FGGY: variants seen among roughly 807,000 people sequenced by gnomAD.
FGGY encodes FGGY carbohydrate kinase domain containing.
A neutral mutation model predicts 71.3 loss-of-function variants in FGGY; 72 were observed. That is an observed-to-expected ratio of 1.01 (90% confidence interval 0.84 to 1.23). The LOEUF is 1.23. Among genes scored for constraint, FGGY ranks in the 50% most tolerant of loss-of-function variants. The pLI, the probability that FGGY is intolerant of heterozygous loss-of-function variation, is 0.00. For synonymous variants in FGGY, 251 were observed against 250.3 expected, an observed-to-expected ratio of 1.00 and a Z score of -0.02; for missense variants, 668 against 682.3, an observed-to-expected ratio of 0.98 and a Z score of 0.23.
At chr1:59,509,651 A>C (rs1410655908) in intron 6 of FGGY, among the ~76,000 whole-genome samples, 2 of 152,006 alleles carry the variant, frequency 1.3e-5, no homozygotes, top group African/African-American at 4.8e-5. Context: ...GTCCTTGCTC[A>C]AGACGCATCC....
chr1:59,453,991 C>A (rs548141734), intron 5 of FGGY, among the ~76,000 whole-genome samples: 60 of 152,122 alleles, frequency 3.9e-4, no homozygotes, highest in African/African-American at 1.4e-3. Context: ...AAATACAGTG[C>A]AATATTTTAA....
chr1:59,760,385 C>T (rs944354741), intron 15 of FGGY, among the ~76,000 whole-genome samples: 1 of 152,112 alleles, frequency 6.6e-6, no homozygotes, highest in Non-Finnish European at 1.5e-5. Context: ...AACACTATGG[C>T]CATTCTTCAA....
intron 14 of FGGY, among the ~76,000 whole-genome samples, chr1:59,715,882 G>C (rs911494350): frequency 2.0e-4 from 31 of 152,274 alleles, no homozygotes; most frequent in African/African-American, 7.2e-4. Flanking sequence ...TGAAAATAAA[G>C]TTATATTGAG....
chr1:59,690,530 G>A (rs556324111), intron 14 of FGGY, among the ~76,000 whole-genome samples: 10 of 152,092 alleles, frequency 6.6e-5, no homozygotes, highest in South Asian at 2.1e-4. Flanking sequence ...ACCTCTACAC[G>A]GCCCTACCCC....
At chr1:59,377,894 C>A (rs2058865101) in intron 4 of FGGY, among the ~76,000 whole-genome samples, 1 of 152,162 alleles carries the variant, frequency 6.6e-6, no homozygotes, top group Admixed American at 6.5e-5. Flanking sequence ...AGAACCAAAT[C>A]TTTAAAATGT....
chr1:59,410,428 A>C (rs184386578), intron 5 of FGGY, among the ~76,000 whole-genome samples: 2 of 152,292 alleles, frequency 1.3e-5, no homozygotes, highest in East Asian at 3.9e-4. Flanking sequence ...ACTACTAGTA[A>C]GTGGAGGAGT....
intron 7 of FGGY, among the ~76,000 whole-genome samples, chr1:59,519,279 A>G (rs939544157): frequency 2.6e-5 from 4 of 152,234 alleles, no homozygotes; most frequent in African/African-American, 9.6e-5. Flanking sequence ...GAAAAAGGAA[A>G]GTCTTTAATA....
At chr1:59,483,144 C>A (rs995095469) in intron 6 of FGGY, among the ~76,000 whole-genome samples, 11 of 152,100 alleles carry the variant, frequency 7.2e-5, no homozygotes, top group Admixed American at 2.6e-4. Flanking sequence ...AGCAACCTGC[C>A]ATACTTCATT....
intron 6 of FGGY, among the ~76,000 whole-genome samples, chr1:59,493,130 C>CACACACACACACAA (rs3220800): frequency 4.7e-5 from 7 of 150,390 alleles, no homozygotes; most frequent in East Asian, 1.9e-4. Context: ...CACACACACA[C>CACACACACACACAA]AAAACAGAAA....
At chr1:59,753,514 G>A (rs1422239362) in intron 14 of FGGY, among the ~76,000 whole-genome samples, 12 of 53,348 alleles carry the variant, frequency 2.2e-4, no homozygotes, top group Non-Finnish European at 3.1e-4. Flanking sequence ...ATATATATAT[G>A]GCATTACATG....
At chr1:59,686,858 T>G (rs753746642) in intron 14 of FGGY, among the ~76,000 whole-genome samples, 3 of 152,218 alleles carry the variant, frequency 2.0e-5, no homozygotes, top group Admixed American at 1.3e-4. Flanking sequence ...ACATACCTCA[T>G]GCAATTGTTG....
At chr1:59,576,348 G>A (rs949333063) in intron 8 of FGGY, among the ~76,000 whole-genome samples, 10 of 152,010 alleles carry the variant, frequency 6.6e-5, no homozygotes, top group African/African-American at 1.9e-4. Context: ...GAGTTGAACA[G>A]TGAGAACACA....
chr1:59,622,024 T>TTC (rs1279742818), intron 9 of FGGY, among the ~76,000 whole-genome samples: 1 of 151,640 alleles, frequency 6.6e-6, no homozygotes, highest in Non-Finnish European at 1.5e-5. Context: ...CTCTCTCTCT[T>TTC]TCTCTCTCTC....
chr1:59,760,360 A>T (rs1359712721), intron 15 of FGGY, among the ~76,000 whole-genome samples: 1 of 152,250 alleles, frequency 6.6e-6, no homozygotes, highest in East Asian at 1.9e-4. Context: ...GTAACATAGT[A>T]TCGCTGCTGC....
intron 1 of FGGY, among the ~76,000 whole-genome samples, chr1:59,302,154 C>CT (rs918567358): frequency 2.6e-5 from 4 of 151,856 alleles, no homozygotes; most frequent in Non-Finnish European, 4.4e-5. Context: ...GCATATTATC[C>CT]TTTTTTTATA....
chr1:59,590,481 A>T (rs1438572759), intron 8 of FGGY, among the ~76,000 whole-genome samples: 1 of 152,170 alleles, frequency 6.6e-6, no homozygotes, highest in Admixed American at 6.5e-5. Context: ...CAGAGACACA[A>T]CCAAAAAAGA....
chr1:59,543,359 C>T (rs1394663595), intron 7 of FGGY, among the ~76,000 whole-genome samples: 4 of 151,986 alleles, frequency 2.6e-5, no homozygotes, highest in Admixed American at 6.6e-5. Flanking sequence ...TGGTGGCAGG[C>T]GAGGGATAGA....
chr1:59,431,995 A>T (rs2067460748), intron 5 of FGGY, among the ~76,000 whole-genome samples: 1 of 152,226 alleles, frequency 6.6e-6, no homozygotes. Flanking sequence ...TAGAAAGACC[A>T]TGTGATGGAT....
chr1:59,713,228 A>C (rs1463904202), intron 14 of FGGY, among the ~76,000 whole-genome samples: 2 of 152,186 alleles, frequency 1.3e-5, no homozygotes, highest in Non-Finnish European at 2.9e-5. Context: ...TTTATTGTTC[A>C]TATCACTATC....
Sources: allele counts gnomAD v4.1 joint callset (sites outside exome capture counted in the v4.1 genomes callset), GRCh38; gene constraint gnomAD v4.1.1; transcripts MANE v1.5; gene names NCBI Gene and HGNC (gene_info 2026-07-23, HGNC 2026-07-21).